NRXN1: variants seen among roughly 807,000 people sequenced by gnomAD.
The protein encoded by NRXN1 is neurexin 1.
In NRXN1, 39 loss-of-function variants were observed where a neutral mutation model predicts 150.9. The observed-to-expected ratio is 0.26, with a 90% confidence interval of 0.20 to 0.34. The LOEUF (loss-of-function observed/expected upper bound fraction) is 0.34, where lower values mean the gene tolerates loss of function less well. Among genes scored for constraint, NRXN1 ranks in the 10% least tolerant of loss-of-function variants. The pLI is 1.00. For missense variants in NRXN1, 1,815 were observed against 1,949.9 expected (o/e 0.93, Z 1.30); for synonymous variants, 924 against 757.0 (o/e 1.22, Z -3.62).
chr2:50,472,853 G>A (rs2104712080), intron 15 of NRXN1, among the ~76,000 whole-genome samples: 1 of 148,334 alleles, frequency 6.7e-6, no homozygotes, highest in African/African-American at 2.5e-5. Context: ...AAGTTTCTCT[G>A]ATTATTAGTA....
At chr2:50,269,174 C>G (rs1314562132) in intron 17 of NRXN1, among the ~76,000 whole-genome samples, 1 of 152,082 alleles carries the variant, frequency 6.6e-6, no homozygotes, top group African/African-American at 2.4e-5. Flanking sequence ...GTGGGCTCAG[C>G]ATATGGTAGG....
chr2:51,002,517 G>A (rs17041183), intron 2 of NRXN1, among the ~76,000 whole-genome samples: 14,735 of 151,822 alleles, frequency 0.097, 1,345 homozygotes, highest in East Asian at 0.4. Flanking sequence ...ATGACTTTCC[G>A]TAAGAAACAC....
At chr2:50,607,800 C>T (rs1024248735) in intron 8 of NRXN1, among the ~76,000 whole-genome samples, 11 of 151,376 alleles carry the variant, frequency 7.3e-5, no homozygotes, top group African/African-American at 2.4e-4. Context: ...AACACACAGG[C>T]ATTTTACTTT....
intron 18 of NRXN1, among the ~76,000 whole-genome samples, chr2:50,234,240 T>C (rs1380491781): frequency 1.3e-5 from 2 of 152,082 alleles, no homozygotes; most frequent in Non-Finnish European, 1.5e-5. Context: ...ATGCCTGTAA[T>C]CCCAGTACTT....
chr2:50,120,162 C>G (rs911746321), intron 18 of NRXN1, among the ~76,000 whole-genome samples: 3 of 152,036 alleles, frequency 2.0e-5, no homozygotes, highest in Non-Finnish European at 4.4e-5. Context: ...TAAGTGCAAT[C>G]TCATTTCAAT....
chr2:50,386,162 A>C (rs2081313026), intron 17 of NRXN1, among the ~76,000 whole-genome samples: 1 of 152,122 alleles, frequency 6.6e-6, no homozygotes, highest in Non-Finnish European at 1.5e-5. Flanking sequence ...TTCATTATTG[A>C]AATGCATTTT....
chr2:49,922,990 C>G (rs1156861476), intron 22 of NRXN1, among the ~76,000 whole-genome samples: 1 of 152,108 alleles, frequency 6.6e-6, no homozygotes, highest in Non-Finnish European at 1.5e-5. Context: ...AAACTCTGAA[C>G]TACCTAATAG....
intron 2 of NRXN1, among the ~76,000 whole-genome samples, chr2:50,935,968 T>G (rs960479948): frequency 3.3e-5 from 5 of 152,140 alleles, no homozygotes; most frequent in Non-Finnish European, 7.3e-5. Flanking sequence ...CTTTAATGAT[T>G]ATAGAAAACT....
At chr2:50,477,151 C>T (rs577480486) in intron 15 of NRXN1, among the ~76,000 whole-genome samples, 1 of 152,092 alleles carries the variant, frequency 6.6e-6, no homozygotes, top group East Asian at 1.9e-4. Context: ...AAAGGCTTGA[C>T]TGGAAGAGAG....
intron 17 of NRXN1, among the ~76,000 whole-genome samples, chr2:50,256,859 T>A (rs1421079218): frequency 6.6e-6 from 1 of 152,032 alleles, no homozygotes; most frequent in African/African-American, 2.4e-5. Flanking sequence ...GATGACAAAA[T>A]TGAATCAGCT....
intron 14 of NRXN1, among the ~76,000 whole-genome samples, chr2:50,496,865 G>A (rs1172616852): frequency 2.0e-5 from 3 of 152,212 alleles, no homozygotes; most frequent in Non-Finnish European, 4.4e-5. Flanking sequence ...TTTAAGGCAC[G>A]TTTACACAAA....
chr2:50,829,997 T>TG (rs779667998), intron 5 of NRXN1, among the ~76,000 whole-genome samples: 1 of 24,808 alleles, frequency 4.0e-5, no homozygotes, highest in Non-Finnish European at 6.1e-5. Context: ...TACTGCCTGC[T>TG]GGAAAAAAAA....
intron 15 of NRXN1, among the ~76,000 whole-genome samples, chr2:50,481,932 A>AT (rs1243090836): frequency 1.2e-4 from 17 of 142,414 alleles, no homozygotes; most frequent in South Asian, 2.1e-4. Context: ...CGCCCGGCTA[A>AT]TTTTTTTTTG....
intron 5 of NRXN1, among the ~76,000 whole-genome samples, chr2:50,638,173 G>A (rs1484088334): frequency 1.3e-5 from 2 of 152,114 alleles, no homozygotes; most frequent in Non-Finnish European, 2.9e-5. Context: ...ATGATCATCA[G>A]AATCACCTGG....
chr2:50,930,495 C>T (rs1687579471), intron 2 of NRXN1, among the ~76,000 whole-genome samples: 1 of 152,006 alleles, frequency 6.6e-6, no homozygotes, highest in South Asian at 2.1e-4. Context: ...AACTGTTAGT[C>T]AACATATTAT....
intron 5 of NRXN1, among the ~76,000 whole-genome samples, chr2:50,911,322 T>C (rs964246832): frequency 2.0e-5 from 3 of 151,760 alleles, no homozygotes; most frequent in Non-Finnish European, 4.4e-5. Flanking sequence ...CTTATCACCC[T>C]CATCACTCTC....
At chr2:49,953,816 T>G (rs1025512491) in intron 21 of NRXN1, among the ~76,000 whole-genome samples, 9 of 151,908 alleles carry the variant, frequency 5.9e-5, no homozygotes, top group Non-Finnish European at 1.2e-4. Flanking sequence ...AGAAAACACA[T>G]GGACACCGGG....
chr2:50,278,665 A>T (rs1037000691), intron 17 of NRXN1, among the ~76,000 whole-genome samples: 2 of 152,124 alleles, frequency 1.3e-5, no homozygotes, highest in African/African-American at 2.4e-5. Context: ...CTACAAAAGC[A>T]TCAAAACTGA....
chr2:50,077,869 T>C (rs545618119), intron 19 of NRXN1, among the ~76,000 whole-genome samples: 3 of 152,230 alleles, frequency 2.0e-5, no homozygotes, highest in African/African-American at 7.2e-5. Context: ...ACTTCAATAA[T>C]ACTTAACATG....
Sources: allele counts gnomAD v4.1 joint callset (sites outside exome capture counted in the v4.1 genomes callset), GRCh38; gene constraint gnomAD v4.1.1; transcripts MANE v1.5; gene names NCBI Gene and HGNC (gene_info 2026-07-23, HGNC 2026-07-21).